Variants in FGD4 observed in about 807,000 individuals in gnomAD.
FGD4 encodes the protein FYVE, RhoGEF and PH domain-containing protein 4.
Under a neutral mutation model 102.0 loss-of-function variants are expected in FGD4, and 42 were observed. The observed-to-expected ratio is 0.41, with a 90% CI of 0.32 to 0.53. FGD4 has a LOEUF of 0.53. FGD4 is among the 20% of genes least tolerant of loss of function. The pLI is 0.21. For synonymous variants in FGD4, 380 were observed against 375.7 expected (o/e 1.01, Z -0.13); for missense variants, 902 against 1,078.2 (o/e 0.84, Z 2.29).
Position 32,635,967 on chromosome 12 carries a change from G to A in FGD4, c.2313+2278G>A, listed in dbSNP as rs374365321. ...ATGGAGGTTGCAGTGAGCTGAGATC[G>A]TGCCATTGTACTCCAGCCTGGGTGA... On this transcript the variant is annotated intron_variant, in intron 15 of 16. Transcript: ENST00000534526. Among the ~76,000 whole-genome samples, 36 of 151,714 alleles carry A rather than the reference G, an allele frequency of 2.4e-4. 3 individuals are homozygous for A. Among genetic ancestry groups the A allele is most frequent in the Non-Finnish European group, 2.5e-4 (17 of 67,928 alleles).
chr12:32,445,576 A>G (rs933788990), intron 1 of FGD4, among the ~76,000 whole-genome samples: 1 of 152,192 alleles, frequency 6.6e-6, no homozygotes, highest in Non-Finnish European at 1.5e-5. Context: ...TGGAAAACAT[A>G]TTTATTGCAT....
chr12:32,611,437 A>G (rs1375811540), intron 10 of FGD4, among the ~76,000 whole-genome samples, 154 bp downstream of exon 10: 1 of 152,140 alleles, frequency 6.6e-6, no homozygotes, highest in Non-Finnish European at 1.5e-5. Context: ...TAAAAATACA[A>G]AAAGTAGCTG....
chr12:32,580,772 A>C (rs1313409560), intron 3 of FGD4, among the ~76,000 whole-genome samples: 2 of 151,978 alleles, frequency 1.3e-5, no homozygotes, highest in Non-Finnish European at 2.9e-5. Context: ...CTGTAGTCCC[A>C]GCTACTCGGG....
chr12:32,505,165 G>A (rs1938589966), intron 1 of FGD4, among the ~76,000 whole-genome samples: 1 of 152,116 alleles, frequency 6.6e-6, no homozygotes, highest in Admixed American at 6.5e-5. Context: ...ATGTCCTTGG[G>A]GTTGAATCTG....
intron 11 of FGD4, among the ~76,000 whole-genome samples, chr12:32,623,351 T>A (rs1949957654): frequency 6.6e-6 from 1 of 152,008 alleles, no homozygotes; most frequent in Non-Finnish European, 1.5e-5. Context: ...GTTTTTTAAT[T>A]TAAAAAAAAT....
Position 32,625,738 on chromosome 12 carries a change from G to A in FGD4, c.2131G>A (p.Ala711Thr), listed in dbSNP as rs1950121240. 6.2e-7 allele frequency: 1 copy of A among 1,613,890 alleles called. No homozygotes were observed. The highest frequency in any genetic ancestry group is 8.5e-7 in the Non-Finnish European group (1 of 1,180,002). Reference protein sequence around the residue: ...MCMKCKEPFNALTRRRHHCRA... With the variant: ...MCMKCKEPFNTLTRRRHHCRA... ...TATGAAATGTAAAGAACCTTTCAAT[G>A]CACTGACACGAAGGAGGCATCATTG... is the stretch of plus-strand genomic sequence containing the variant. Residue 711 changes from alanine to threonine, a missense_variant, in exon 14 of 17, where the codon GCA (alanine) becomes ACA (threonine). Coordinates refer to ENST00000534526, the MANE Select transcript of FGD4 (RefSeq NM_001370298.3).
intron 1 of FGD4, among the ~76,000 whole-genome samples, chr12:32,548,851 A>G (rs975680021): frequency 6.6e-6 from 1 of 152,220 alleles, no homozygotes; most frequent in Admixed American, 6.5e-5. Flanking sequence ...GTCCAACAGC[A>G]GGTTGGAGTT....
intron 1 of FGD4, among the ~76,000 whole-genome samples, chr12:32,401,355 G>T (rs903282129): frequency 6.6e-6 from 1 of 151,688 alleles, no homozygotes; most frequent in African/African-American, 2.4e-5. Flanking sequence ...TGCCTCCCGG[G>T]TTCAAGCGAT....
In FGD4 at chr12:32,529,863, A is replaced by T. The variant is rs1941631598; in HGVS notation, c.167-34274A>T. Among the ~76,000 whole-genome samples the T allele has an allele frequency of 2.0e-5, 3 of 151,708 alleles. No homozygotes were observed. In the South Asian group the frequency reaches 6.2e-4, roughly 32 times the overall value. ...GTCTAAAAAAAAAAAAAAATTTAAAAAAAAAAAAGCTGACATTGCCAATAG... is the reference window on the plus strand; with the variant it reads ...GTCTAAAAAAAAAAAAAAATTTAAATAAAAAAAAGCTGACATTGCCAATAG... On this transcript the variant is annotated intron_variant, in intron 1 of 16. Transcript: ENST00000534526.
chr12:32,513,204 G>A (rs1333996875), intron 1 of FGD4, among the ~76,000 whole-genome samples: 1 of 152,168 alleles, frequency 6.6e-6, no homozygotes, highest in Admixed American at 6.5e-5. Context: ...GAGATTTTAG[G>A]AGGAGGTAAG....
chr12:32,582,562 A>C (rs949262940), intron 4 of FGD4, 95 bp downstream of exon 4: 2 of 1,511,176 alleles, frequency 1.3e-6, no homozygotes, highest in African/African-American at 2.7e-5. Flanking sequence ...AAATGTATGA[A>C]TCAGATCACC....
At chr12:32,456,229 G>A (rs994816475) in intron 1 of FGD4, among the ~76,000 whole-genome samples, 1 of 152,084 alleles carries the variant, frequency 6.6e-6, no homozygotes, top group Non-Finnish European at 1.5e-5. Context: ...GATACCTTGT[G>A]CCCATTTTTT....
At chr12:32,628,790 A>G (rs1030019092) in intron 14 of FGD4, among the ~76,000 whole-genome samples, 2 of 152,204 alleles carry the variant, frequency 1.3e-5, no homozygotes, top group African/African-American at 4.8e-5. Flanking sequence ...TCTAAAAAAA[A>G]AATTATGTAA....
At chr12:32,517,395 G>A (rs1940005297) in intron 1 of FGD4, among the ~76,000 whole-genome samples, 1 of 151,496 alleles carries the variant, frequency 6.6e-6, no homozygotes, top group Admixed American at 6.6e-5. Context: ...ATTTTTTTCT[G>A]GTCAAAGTCT....
chr12:32,410,323 G>A (rs1477230982), intron 1 of FGD4, among the ~76,000 whole-genome samples: 2 of 148,530 alleles, frequency 1.3e-5, no homozygotes, highest in South Asian at 2.2e-4. Flanking sequence ...GCGAGATTCC[G>A]TCTCAAAAAA....
intron 1 of FGD4, among the ~76,000 whole-genome samples, chr12:32,554,836 G>GC (rs1310910494): frequency 3.3e-5 from 5 of 152,258 alleles, no homozygotes; most frequent in African/African-American, 1.2e-4. Context: ...ATAGCAAGGA[G>GC]CCAGTGTGCC....
intron 10 of FGD4, among the ~76,000 whole-genome samples, chr12:32,619,211 G>T (rs1273441850): frequency 6.6e-6 from 1 of 152,134 alleles, no homozygotes; most frequent in Non-Finnish European, 1.5e-5. Context: ...TTTTCAAAAT[G>T]TAGGAATATG....
At chr12:32,417,635 T>C (rs1941470347) in intron 1 of FGD4, among the ~76,000 whole-genome samples, 1 of 151,816 alleles carries the variant, frequency 6.6e-6, no homozygotes, top group Non-Finnish European at 1.5e-5. Context: ...TTTTTGTATT[T>C]TTAGTAGAGA....
intron 4 of FGD4, among the ~76,000 whole-genome samples, chr12:32,596,370 A>G (rs533052223): frequency 9.7e-4 from 148 of 152,332 alleles, no homozygotes; most frequent in Non-Finnish European, 1.1e-3. Flanking sequence ...AAAGGTTTAG[A>G]GATAACCAGG....
Sources: allele counts gnomAD v4.1 joint callset (sites outside exome capture counted in the v4.1 genomes callset), GRCh38; gene constraint gnomAD v4.1.1; transcripts MANE v1.5; gene names NCBI Gene and HGNC (gene_info 2026-07-23, HGNC 2026-07-21).